Variants in QTMAN observed in about 807,000 individuals in gnomAD.
The protein encoded by QTMAN is queuosine-tRNA mannosyltransferase, also known as tRNA-queuosine alpha-mannosyltransferase.
chr2:143,970,438 G>A, the QTMAN span, among the ~76,000 whole-genome samples: 1 of 152,166 alleles, frequency 6.6e-6, no homozygotes, highest in East Asian at 1.9e-4. Context: ...AACTATATTT[G>A]ATCAAAGAGA....
At chr2:144,323,012 T>C in the QTMAN span, among the ~76,000 whole-genome samples, 2 of 152,338 alleles carry the variant, frequency 1.3e-5, no homozygotes, top group East Asian at 3.9e-4. Flanking sequence ...TAATTTTCAC[T>C]TGAAAGTTTG....
At chr2:144,078,385 C>A in the QTMAN span, among the ~76,000 whole-genome samples, 1 of 152,196 alleles carries the variant, frequency 6.6e-6, no homozygotes, top group African/African-American at 2.4e-5. Context: ...AAGAAACATT[C>A]CTTCTGTTAC....
chr2:143,968,294 T>A, the QTMAN span, among the ~76,000 whole-genome samples: 2 of 152,174 alleles, frequency 1.3e-5, no homozygotes, highest in African/African-American at 4.8e-5. Flanking sequence ...TCCACAGTAC[T>A]CTCTGTGTAT....
chr2:144,172,566 G>A, the QTMAN span, among the ~76,000 whole-genome samples: 1 of 145,498 alleles, frequency 6.9e-6, no homozygotes, highest in South Asian at 2.2e-4. Flanking sequence ...GTAAGTTGCA[G>A]TGAGGCAAGA....
At chr2:144,322,159 A>G in the QTMAN span, among the ~76,000 whole-genome samples, 1 of 152,194 alleles carries the variant, frequency 6.6e-6, no homozygotes, top group African/African-American at 2.4e-5. Flanking sequence ...GAATACCCAA[A>G]TGATTAAAAC....
chr2:144,270,710 G>A, the QTMAN span, among the ~76,000 whole-genome samples: 3 of 152,122 alleles, frequency 2.0e-5, no homozygotes, highest in Non-Finnish European at 4.4e-5. Context: ...TGCATATGGG[G>A]CTTAAAACCT....
chr2:144,040,724 G>C, the QTMAN span, among the ~76,000 whole-genome samples: 32 of 152,100 alleles, frequency 2.1e-4, no homozygotes, highest in Non-Finnish European at 4.3e-4. Context: ...TCCCAAGGGT[G>C]GGAGACTAAA....
chr2:144,189,278 T>C, the QTMAN span, among the ~76,000 whole-genome samples: 1 of 152,152 alleles, frequency 6.6e-6, no homozygotes, highest in Admixed American at 6.5e-5. Context: ...TGCACCACTG[T>C]GCCCCACTTA....
At chr2:144,300,091 C>A in the QTMAN span, among the ~76,000 whole-genome samples, 1 of 152,138 alleles carries the variant, frequency 6.6e-6, no homozygotes, top group East Asian at 1.9e-4. Flanking sequence ...CAAAGTCTGC[C>A]ACGGACTGCC....
the QTMAN span, among the ~76,000 whole-genome samples, chr2:144,052,241 CTG>C: frequency 6.6e-6 from 1 of 152,122 alleles, no homozygotes; most frequent in Non-Finnish European, 1.5e-5. Flanking sequence ...CAGGATAAAA[CTG>C]GGGCTGTGAG....
chr2:144,142,990 G>A, the QTMAN span, among the ~76,000 whole-genome samples: 1 of 151,916 alleles, frequency 6.6e-6, no homozygotes, highest in African/African-American at 2.4e-5. Context: ...CTCTCACGAT[G>A]CTAGGCAGCA....
the QTMAN span, among the ~76,000 whole-genome samples, chr2:144,179,418 T>C: frequency 3.9e-5 from 6 of 152,310 alleles, no homozygotes; most frequent in East Asian, 1.9e-4. Context: ...GGCTAAAACA[T>C]TGAATGCCAA....
chr2:144,110,678 G>A, the QTMAN span, among the ~76,000 whole-genome samples: 4 of 106,450 alleles, frequency 3.8e-5, no homozygotes, highest in Non-Finnish European at 4.0e-5. Flanking sequence ...GAGAAAAATC[G>A]ACCCCCCCCC....
chr2:144,183,382 T>C, the QTMAN span, among the ~76,000 whole-genome samples: 1 of 152,164 alleles, frequency 6.6e-6, no homozygotes, highest in Non-Finnish European at 1.5e-5. Context: ...ACATGTTTTT[T>C]TTCCTTCTCC....
chr2:144,254,906 A>G, the QTMAN span, among the ~76,000 whole-genome samples: 1 of 152,220 alleles, frequency 6.6e-6, no homozygotes, highest in African/African-American at 2.4e-5. Flanking sequence ...ATTGCATTTC[A>G]GACTTGCATG....
At chr2:143,982,642 C>T in the QTMAN span, among the ~76,000 whole-genome samples, 142 of 151,644 alleles carry the variant, frequency 9.4e-4, 3 homozygotes, top group East Asian at 0.027. Context: ...AGGTGGATTA[C>T]TTGAGGTCAC....
chr2:144,255,869 A>G, the QTMAN span, among the ~76,000 whole-genome samples: 2 of 152,220 alleles, frequency 1.3e-5, no homozygotes. Flanking sequence ...TGATGTATAA[A>G]TATTGGTTCG....
the QTMAN span, among the ~76,000 whole-genome samples, chr2:144,208,240 C>T: frequency 2.0e-5 from 3 of 152,172 alleles, no homozygotes; most frequent in African/African-American, 4.8e-5. Context: ...AAGCCTTGGA[C>T]GTATCCACCT....
chr2:144,141,978 T>C, the QTMAN span: 3 of 1,610,272 alleles, frequency 1.9e-6, no homozygotes, highest in Non-Finnish European at 2.5e-6. Flanking sequence ...AGGAATCAGC[T>C]TCATAAATTT....
Sources: allele counts gnomAD v4.1 joint callset (sites outside exome capture counted in the v4.1 genomes callset), GRCh38; gene constraint gnomAD v4.1.1; transcripts MANE v1.5; gene names NCBI Gene and HGNC (gene_info 2026-07-23, HGNC 2026-07-21).